The following CCDC142 variants were observed in gnomAD, a reference collection of about 807,000 sequenced individuals.
CCDC142 encodes coiled-coil domain containing 142.
CCDC142 carries 67 observed loss-of-function variants against 83.8 expected under a neutral mutation model. The ratio of observed to expected loss-of-function variants is 0.80; its 90% CI spans 0.66 to 0.98. The LOEUF (loss-of-function observed/expected upper bound fraction) is 0.98. Among genes scored for constraint, CCDC142 ranks in the 50% least tolerant of loss-of-function variants. The probability of loss-of-function intolerance (pLI) is 0.00; values close to 1 mark genes in which losing one functional copy is unlikely to be tolerated. For synonymous variants in CCDC142, 421 were observed against 421.2 expected (o/e 1.00, Z 0.01); for missense variants, 905 against 946.8 (o/e 0.96, Z 0.58).
intron 5 of CCDC142, among the ~76,000 whole-genome samples, chr2:74,479,202 AAAG>A (rs544708512): frequency 4.0e-4 from 61 of 152,078 alleles, no homozygotes; most frequent in Non-Finnish European, 8.5e-4. Flanking sequence ...AGAAAAAAAA[AAAG>A]AACTCTGGGA....
At position 74,481,361 on chromosome 2, in the gene CCDC142, C is replaced by A; in HGVS notation, c.1120G>T (p.Ala374Ser). ...IWSWDQGFCQ[A>S]LGSALGGQSS... ...TGACCCCCAAGAGCTGATCCCAAGG[C>A]CTGGCAGAAACCTGAGGATGAGAGA... is the stretch of plus-strand genomic sequence containing the variant. The change falls in exon 3 of 9, where the codon GCC becomes TCC. Residue 374 changes from alanine (A) to serine (S), a missense_variant. Coordinates refer to ENST00000393965, the MANE Select transcript of CCDC142 (RefSeq NM_001365575.2). 4 of 1,614,092 alleles carry A rather than the reference C, an allele frequency of 2.5e-6. No homozygotes were observed. Among genetic ancestry groups the A allele is most frequent in the South Asian group, 1.1e-5 (1 of 91,064 alleles).
rs1227077208 is a variant in CCDC142, at chr2:74,481,485, G to A, written c.1075C>T (p.Leu359Phe). 7 of 1,614,056 alleles carry A rather than the reference G, an allele frequency of 4.3e-6. No individual in the cohort carries two copies. The Admixed American group carries it at 1.0e-4, about 23-fold the overall frequency. Residue 359 changes from leucine to phenylalanine, a missense_variant, in exon 2 of 9, where the codon CTT becomes TTT. Physicochemically the swap from Leu to Phe is conservative, Grantham distance 22 (BLOSUM62 0). Transcript: ENST00000393965. ...CAGCTCCAGATAAGCGACTGATGAA[G>A]TAGTCTGTGACACAAAGATGCCAGC... ...KELASLCHRL[L>F]HQSLIWSWDQ...
chr2:74,474,565 C>T lies in CCDC142; in HGVS notation c.2234G>A (p.Gly745Glu). 2.5e-6 allele frequency: 4 copies of T among 1,613,170 alleles called. No homozygotes were observed. Among genetic ancestry groups the T allele is most frequent in the Non-Finnish European group, 3.4e-6 (4 of 1,179,590 alleles). ...GGCTCCTTAGGATTCAGGACTGGTT[C>T]CCAGGCAGGAAAAAAACGGCAGGTG... ...RWHLPFFSCL[G>E]TSPES Residue 745 changes from glycine (G) to glutamate (E), a missense_variant, in exon 9 of 9, where the codon GGA becomes GAA. Physicochemically the swap from Gly to Glu is moderately conservative, Grantham distance 98. Coordinates refer to ENST00000393965, the MANE Select transcript of CCDC142 (RefSeq NM_001365575.2).
At position 74,481,549 on chromosome 2, in the gene CCDC142, A is replaced by C; in HGVS notation, c.1022-11T>G. 3.1e-6 allele frequency: 5 copies of C among 1,613,276 alleles called. No homozygotes were observed. The highest frequency in any genetic ancestry group is 4.2e-6 in the Non-Finnish European group (5 of 1,179,358). On this transcript the variant is annotated splice_polypyrimidine_tract_variant and intron_variant, in intron 1 of 8. Transcript: ENST00000393965. ...CCTGAGGCAGGGATGCTAGTGGGAG[A>C]AATGACTCTGGGGCCTGAAAACAAG...
Position 74,480,849 on chromosome 2 carries a change from G to A in CCDC142, c.1423C>T (p.Leu475=). 1.2e-6 allele frequency: 2 copies of A among 1,614,048 alleles called. No individual in the cohort carries two copies. Among genetic ancestry groups the A allele is most frequent in the South Asian group, 1.1e-5 (1 of 91,084 alleles). The change falls in exon 5 of 9, where the codon CTG becomes TTG. Residue 475 remains leucine (L), a synonymous_variant. Coordinates refer to ENST00000393965, the MANE Select transcript of CCDC142 (RefSeq NM_001365575.2). ...LLHEAEALYS[L]ASEESLALEV... ...AGAGCTAAGCTTTCCTCTGAGGCCA[G>A]GCTATACAAAGCTTCTGCCTCATGC...
In CCDC142 at chr2:74,482,533, C is replaced by A; in HGVS notation, c.305G>T (p.Arg102Leu). The A allele has an allele frequency of 6.3e-7, 1 of 1,586,746 alleles. No homozygotes were observed. The highest frequency in any genetic ancestry group is 1.1e-5 in the South Asian group (1 of 88,814). ...GTCTCGGGCCTGGAGGAGCTGCTCC[C>A]GCTCGCGATGCAGCCGCAGCAACAC... Reference protein sequence around the residue: ...RAVLLRLHREREQLLQARDCA... With the variant: ...RAVLLRLHRELEQLLQARDCA... Residue 102 changes from arginine to leucine, a missense_variant, in exon 1 of 9, where the codon CGG becomes CTG. Arg to Leu is a moderately radical substitution (Grantham distance 102). Coordinates refer to ENST00000393965, the MANE Select transcript of CCDC142 (RefSeq NM_001365575.2). The surrounding 1 kb of genome is among the most constrained non-coding windows in gnomAD (Gnocchi z 5.0).
At chr2:74,477,933 C>T (rs1322858446) in intron 5 of CCDC142, among the ~76,000 whole-genome samples, 2 of 150,478 alleles carry the variant, frequency 1.3e-5, no homozygotes, top group Non-Finnish European at 3.0e-5. Flanking sequence ...AGTTCAAGAA[C>T]AGGGCACATG....
chr2:74,474,843 A>G, intron 8 of CCDC142, 41 bp from the exon 9 acceptor site: 1 of 1,588,250 alleles, frequency 6.3e-7, no homozygotes. Context: ...TGCTGGGGAT[A>G]TACTGAAGCC....
rs765362426 is a variant in CCDC142 at position 74,474,782 on chromosome 2, T to G, written c.2017A>C (p.Thr673Pro). The G allele has an allele frequency of 8.1e-6, 13 of 1,610,806 alleles. No homozygotes were observed. The South Asian group carries it at 1.4e-4, about 18-fold the overall frequency. ...PCCCACQEVQ[T>P]TKLPSSCLNS... ...AGGCAGCTGCTGGGCAATTTCGTGG[T>G]CTGGACCTCCTGACAAGCACCTGGT... Residue 673 changes from threonine (T) to proline (P), a missense_variant, in exon 9 of 9, where the codon ACC (threonine) becomes CCC (proline). By Grantham distance (38) the Thr-to-Pro change is conservative. This residue lies in a region of CCDC142 where 265 missense variants were observed against 288.9 expected (regional missense o/e 0.92). Transcript: ENST00000393965.
rs1672264159 is a variant in CCDC142 at position 74,474,427 on chromosome 2, C to T, written c.*119G>A. The T allele has an allele frequency of 7.8e-7, 1 of 1,279,142 alleles. No individual in the cohort carries two copies. Among genetic ancestry groups the T allele is most frequent in the Non-Finnish European group, 1.1e-6 (1 of 946,046 alleles). 79.2% of individuals were successfully genotyped at this position (1,279,142 alleles called of 1,614,324 possible). A position where few individuals can be genotyped will look rare whatever the true frequency, so the allele number is the denominator to read the frequency against. On this transcript the variant is annotated 3_prime_UTR_variant, in exon 9 of 9. Coordinates refer to ENST00000393965, the MANE Select transcript of CCDC142 (RefSeq NM_001365575.2). The stretch of plus-strand genomic sequence containing the variant: ...CCCAGGCTCTTTGTAGCTTATTCTC[C>T]AGTATGCTTTCCTCCAAGCTTCCAG...
Position 74,473,337 on chromosome 2 carries a change from T to G in CCDC142, c.*1209A>C, listed in dbSNP as rs1672233197. ...TGCATTCTAGCCAGTTTTCTTTTTTTGAGACGAAGTTTTGCTCTTGTTGCC... is the reference window on the plus strand; with the variant it reads ...TGCATTCTAGCCAGTTTTCTTTTTTGGAGACGAAGTTTTGCTCTTGTTGCC... On this transcript the variant is annotated 3_prime_UTR_variant, in exon 9 of 9. Transcript: ENST00000393965. The G allele has an allele frequency of 6.5e-6, 1 of 152,756 alleles. No individual in the cohort carries two copies. Among genetic ancestry groups the G allele is most frequent in the African/African-American group, 2.4e-5 (1 of 41,470 alleles). 9.5% of individuals were successfully genotyped at this position (152,756 alleles called of 1,614,324 possible). A position where few individuals can be genotyped will look rare whatever the true frequency, so the allele number is the denominator to read the frequency against.
chr2:74,479,738 C>T (rs1421617952), intron 5 of CCDC142, among the ~76,000 whole-genome samples: 8 of 152,210 alleles, frequency 5.3e-5, no homozygotes, highest in East Asian at 3.9e-4. Flanking sequence ...GGAGTACAGG[C>T]GCATGCCACC....
intron 8 of CCDC142, 27 bp from the exon 9 acceptor site, chr2:74,474,829 T>G (rs1349205827): frequency 1.3e-6 from 2 of 1,595,702 alleles, no homozygotes; most frequent in African/African-American, 1.3e-5. Context: ...GGAAGGTAGG[T>G]GGCTGCTGGG....
At chr2:74,481,109 G>A (rs1291898548) in intron 3 of CCDC142, 23 bp from the exon 4 acceptor site, 3 of 1,607,744 alleles carry the variant, frequency 1.9e-6, no homozygotes, top group Non-Finnish European at 8.5e-7. Context: ...GCAGCAGAGT[G>A]AGTATCTTAG....
chr2:74,482,085 C>G lies in CCDC142; in HGVS notation c.753G>C (p.Leu251=). 1.2e-6 allele frequency: 2 copies of G among 1,613,626 alleles called. No individual in the cohort carries two copies. Among genetic ancestry groups the G allele is most frequent in the Non-Finnish European group, 1.7e-6 (2 of 1,179,958 alleles). The change falls in exon 1 of 9, where the codon CTG becomes CTC. Residue 251 remains leucine (L), a synonymous_variant. Coordinates refer to ENST00000393965, the MANE Select transcript of CCDC142 (RefSeq NM_001365575.2). This position sits in a 1 kb window ranked among gnomAD's most constrained non-coding sequence, Gnocchi z 5.0. ...ACGCCGATCCTTGGAGCGCCTCGTC[C>G]AGCCGACTTGCCACCTGGCAACCCC... ...GERGCQVASR[L]DEALQGSALR...
intron 5 of CCDC142, among the ~76,000 whole-genome samples, chr2:74,477,934 A>G (rs908989728): frequency 8.6e-5 from 13 of 151,646 alleles, no homozygotes; most frequent in African/African-American, 3.1e-4. Flanking sequence ...GTTCAAGAAC[A>G]GGGCACATGT....
intron 1 of CCDC142, 21 bp downstream of exon 1, chr2:74,481,796 C>T (rs757313543): frequency 1.1e-5 from 18 of 1,589,740 alleles, no homozygotes; most frequent in Non-Finnish European, 1.5e-5. Flanking sequence ...TCCCAAACGC[C>T]CACCCAAGCC....
chr2:74,482,860 C>T lies in CCDC142; in HGVS notation c.-23G>A, dbSNP rs368576908. ...CATGGGGCGGCGGGTCCAGAACGAA[C>T]CTAACGATTCCCACTTCCCTGCACG... On this transcript the variant is annotated 5_prime_UTR_variant, in exon 1 of 9. Coordinates refer to ENST00000393965, the MANE Select transcript of CCDC142 (RefSeq NM_001365575.2). This position sits in a 1 kb window ranked among gnomAD's most constrained non-coding sequence, Gnocchi z 5.0. 1 of 1,587,880 alleles carries T rather than the reference C, an allele frequency of 6.3e-7. No individual in the cohort carries two copies. Among genetic ancestry groups the T allele is most frequent in the Non-Finnish European group, 8.5e-7 (1 of 1,173,510 alleles).
chr2:74,478,013 AATAGATATAATATAAATAAAATATAT>A (rs1558573193), intron 5 of CCDC142, among the ~76,000 whole-genome samples: 3 of 147,510 alleles, frequency 2.0e-5, no homozygotes, highest in Admixed American at 1.4e-4. Flanking sequence ...TATATATATA[AATAGATATAATATAAATAAAATATAT>A]ATAGATATAA....
Sources: gnomAD v4.1 joint callset for allele counts (sites outside exome capture counted in the v4.1 genomes callset) on GRCh38, gnomAD v4.1.1 for gene constraint, gnomAD v4.1.1 regional missense constraint, Gnocchi (gnomAD v3.1) non-coding constraint, MANE v1.5 for transcripts, NCBI Gene and HGNC (gene_info 2026-07-23, HGNC 2026-07-21) for gene names.